The following UNC5C variants were observed in gnomAD, a reference collection of about 807,000 sequenced individuals.
UNC5C encodes unc-5 netrin receptor C.
A neutral mutation model predicts 99.8 loss-of-function variants in UNC5C; 47 were observed. That is an observed-to-expected ratio of 0.47 (90% confidence interval 0.37 to 0.60). The LOEUF (loss-of-function observed/expected upper bound fraction) is 0.60. Among genes scored for constraint, UNC5C ranks in the 20% least tolerant of loss-of-function variants. UNC5C has a pLI of 0.00. For missense variants in UNC5C, 1,062 were observed against 1,165.9 expected (o/e 0.91, Z 1.30); for synonymous variants, 487 against 452.2 (o/e 1.08, Z -0.98).
chr4:95,233,761 C>A (rs191766069), intron 7 of UNC5C, among the ~76,000 whole-genome samples: 11 of 152,088 alleles, frequency 7.2e-5, no homozygotes, highest in Admixed American at 5.9e-4. Flanking sequence ...ATGGTGAAAC[C>A]CCATCTCTAT....
chr4:95,402,203 A>G (rs541309740), intron 1 of UNC5C, among the ~76,000 whole-genome samples: 1 of 152,310 alleles, frequency 6.6e-6, no homozygotes, highest in South Asian at 2.1e-4. Context: ...ATGCCATTAT[A>G]CATCTTAGAT....
At chr4:95,540,396 T>C (rs927379389) in intron 1 of UNC5C, among the ~76,000 whole-genome samples, 6 of 152,188 alleles carry the variant, frequency 3.9e-5, no homozygotes, top group Non-Finnish European at 7.3e-5. Flanking sequence ...GTTACTCAAA[T>C]GGGCTTCTGT....
At chr4:95,446,639 C>A (rs1209233512) in intron 1 of UNC5C, among the ~76,000 whole-genome samples, 1 of 152,096 alleles carries the variant, frequency 6.6e-6, no homozygotes, top group African/African-American at 2.4e-5. Flanking sequence ...TTTAAACCTG[C>A]CTGATTTCAG....
chr4:95,342,720 T>A (rs1031160432), intron 1 of UNC5C, among the ~76,000 whole-genome samples: 19 of 152,064 alleles, frequency 1.2e-4, no homozygotes, highest in Admixed American at 1.1e-3. Flanking sequence ...ACCACATGAA[T>A]CCCTTGAGGT....
intron 4 of UNC5C, among the ~76,000 whole-genome samples, chr4:95,256,658 T>C (rs895316738): frequency 1.5e-4 from 21 of 139,856 alleles, no homozygotes; most frequent in African/African-American, 5.3e-4. Context: ...GAGCATACTA[T>C]ATGTATGAGT....
intron 3 of UNC5C, among the ~76,000 whole-genome samples, chr4:95,293,282 A>T (rs1467690804): frequency 6.6e-6 from 1 of 150,644 alleles, no homozygotes; most frequent in African/African-American, 2.5e-5. Flanking sequence ...TCTGTATTAT[A>T]AATAATAGTG....
intron 14 of UNC5C, among the ~76,000 whole-genome samples, chr4:95,170,715 G>C (rs189841725): frequency 1.7e-3 from 259 of 152,252 alleles, no homozygotes; most frequent in Non-Finnish European, 2.9e-3. Flanking sequence ...TGTTCAAAAG[G>C]GCAGTGCTTT....
chr4:95,198,097 C>G (rs567766315), intron 12 of UNC5C, among the ~76,000 whole-genome samples: 5 of 151,836 alleles, frequency 3.3e-5, no homozygotes, highest in African/African-American at 1.2e-4. Flanking sequence ...AAGCAACTCT[C>G]CCACCTCAGC....
intron 12 of UNC5C, among the ~76,000 whole-genome samples, chr4:95,194,237 C>T (rs548987240): frequency 1.3e-5 from 2 of 152,316 alleles, no homozygotes; most frequent in South Asian, 4.1e-4. Context: ...AGTTCTCTCT[C>T]ACATCTATGT....
intron 1 of UNC5C, among the ~76,000 whole-genome samples, chr4:95,523,474 G>C (rs1722412068): frequency 6.6e-6 from 1 of 152,148 alleles, no homozygotes; most frequent in Non-Finnish European, 1.5e-5. Flanking sequence ...CACTAGGATA[G>C]ATGAAAAGTT....
rs1221499483 is a variant in UNC5C at position 95,292,234 on chromosome 4, CACATATAT to C, written c.490+9364_490+9371del. Among the ~76,000 whole-genome samples the C allele has an allele frequency of 5.0e-3, 368 of 74,034 alleles. 1 individual carries two copies. The highest frequency in any genetic ancestry group is 0.021 in the African/African-American group (333 of 15,986). 48.6% of individuals were successfully genotyped at this position (74,034 alleles called of 152,430 possible). A position where few individuals can be genotyped will look rare whatever the true frequency, so the allele number is the denominator to read the frequency against. On this transcript the variant is annotated intron_variant, in intron 3 of 15. Coordinates refer to ENST00000453304, the MANE Select transcript of UNC5C (RefSeq NM_003728.4). The stretch of plus-strand genomic sequence containing the variant: ...ATATATATACACACACACACACACA[CACATATAT>C]ATATATATATATATATATATATATA...
intron 12 of UNC5C, among the ~76,000 whole-genome samples, chr4:95,202,283 C>G (rs1022923940): frequency 6.6e-6 from 1 of 152,310 alleles, no homozygotes; most frequent in African/African-American, 2.4e-5. Context: ...TTCTGCAAAG[C>G]AGCAGCCTGT....
intron 1 of UNC5C, among the ~76,000 whole-genome samples, chr4:95,389,997 G>C (rs1169901067): frequency 1.3e-5 from 2 of 152,074 alleles, no homozygotes; most frequent in African/African-American, 4.8e-5. Context: ...AAGTATGACT[G>C]TAAGTTCATT....
chr4:95,462,461 T>G (rs1230355159), intron 1 of UNC5C, among the ~76,000 whole-genome samples: 2 of 152,126 alleles, frequency 1.3e-5, no homozygotes, highest in Admixed American at 1.3e-4. Flanking sequence ...CAGCCTAAAA[T>G]CACTCTAGTG....
chr4:95,169,937 A>G (rs753454186), intron 15 of UNC5C, among the ~76,000 whole-genome samples: 1 of 152,214 alleles, frequency 6.6e-6, no homozygotes, highest in African/African-American at 2.4e-5. Context: ...AAAACTTGAT[A>G]CTTACCAATG....
At chr4:95,275,025 C>CAAACAAAACACAACA (rs140470797) in intron 4 of UNC5C, among the ~76,000 whole-genome samples, 7 of 150,162 alleles carry the variant, frequency 4.7e-5, no homozygotes, top group Non-Finnish European at 8.9e-5. Flanking sequence ...GACTCCGTGT[C>CAAACAAAACACAACA]AAACAAAACA....
chr4:95,179,781 C>T (rs1402328828), intron 14 of UNC5C, among the ~76,000 whole-genome samples: 1 of 149,632 alleles, frequency 6.7e-6, no homozygotes, highest in Non-Finnish European at 1.5e-5. Flanking sequence ...AGATGACTGA[C>T]TAATAAATAC....
At chr4:95,372,805 C>T (rs537472006) in intron 1 of UNC5C, among the ~76,000 whole-genome samples, 12 of 152,268 alleles carry the variant, frequency 7.9e-5, no homozygotes, top group African/African-American at 2.9e-4. Context: ...GGTACTGAGA[C>T]ATCATTCTAT....
chr4:95,282,943 T>C (rs1056941953), intron 3 of UNC5C, among the ~76,000 whole-genome samples: 5 of 152,086 alleles, frequency 3.3e-5, no homozygotes, highest in African/African-American at 1.2e-4. Flanking sequence ...GTCTTTTCCA[T>C]GGCTGGTCTT....
Sources: allele counts gnomAD v4.1 joint callset (sites outside exome capture counted in the v4.1 genomes callset), GRCh38; gene constraint gnomAD v4.1.1; transcripts MANE v1.5; gene names NCBI Gene and HGNC (gene_info 2026-07-23, HGNC 2026-07-21).